MACROD2: variants seen among roughly 807,000 people sequenced by gnomAD.
MACROD2 encodes the protein ADP-ribose glycohydrolase MACROD2.
In MACROD2, 36 loss-of-function variants were observed where a neutral mutation model predicts 70.4. The observed-to-expected ratio is 0.51, with a 90% confidence interval of 0.39 to 0.68. MACROD2 has a LOEUF of 0.68. MACROD2 is among the 30% of genes least tolerant of loss of function. The probability of loss-of-function intolerance (pLI) is 0.00; values close to 1 mark genes in which losing one functional copy is unlikely to be tolerated. For synonymous variants in MACROD2, 172 were observed against 178.8 expected, an observed-to-expected ratio of 0.96 and a Z score of 0.30; for missense variants, 496 against 538.4, an observed-to-expected ratio of 0.92 and a Z score of 0.78.
At chr20:15,987,209 TCCTGC>T in intron 15 of MACROD2, 51 bp downstream of exon 15, 1 of 1,413,064 alleles carries the variant, frequency 7.1e-7, no homozygotes, top group Non-Finnish European at 9.8e-7. Context: ...TTCTTTGGAT[TCCTGC>T]CTAGAATTCA....
At chr20:15,243,722 T>C (rs1447122105) in intron 6 of MACROD2, among the ~76,000 whole-genome samples, 3 of 151,786 alleles carry the variant, frequency 2.0e-5, no homozygotes, top group Non-Finnish European at 4.4e-5. Flanking sequence ...GAGACCATCC[T>C]GGCTAACACG....
intron 5 of MACROD2, among the ~76,000 whole-genome samples, chr20:14,990,532 G>C (rs1158304700): frequency 1.8e-5 from 1 of 55,050 alleles, no homozygotes; most frequent in Non-Finnish European, 3.4e-5. Context: ...TTTTTTTTTT[G>C]AGATGGAGTC....
intron 8 of MACROD2, among the ~76,000 whole-genome samples, chr20:15,528,319 G>A (rs2047749134): frequency 6.6e-6 from 1 of 152,160 alleles, no homozygotes; most frequent in Non-Finnish European, 1.5e-5. Context: ...ATTTTTAGTA[G>A]ACATGGGGTT....
intron 6 of MACROD2, among the ~76,000 whole-genome samples, chr20:15,297,239 C>G (rs2077598748): frequency 6.6e-6 from 1 of 152,160 alleles, no homozygotes; most frequent in Non-Finnish European, 1.5e-5. Context: ...CCTGTTGATA[C>G]ACTCACCCAA....
intron 8 of MACROD2, among the ~76,000 whole-genome samples, chr20:15,780,716 A>C (rs1475991437): frequency 6.6e-6 from 1 of 152,114 alleles, no homozygotes. Flanking sequence ...GTTGTTTACA[A>C]AGTAAACAAT....
At chr20:15,549,323 AG>A (rs2048065455) in intron 8 of MACROD2, among the ~76,000 whole-genome samples, 1 of 152,244 alleles carries the variant, frequency 6.6e-6, no homozygotes, top group Non-Finnish European at 1.5e-5. Context: ...AAATGGATCT[AG>A]AAACTATGGC....
intron 3 of MACROD2, among the ~76,000 whole-genome samples, chr20:14,357,422 C>CT (rs917408216): frequency 7.9e-5 from 12 of 152,078 alleles, no homozygotes; most frequent in Non-Finnish European, 1.3e-4. Flanking sequence ...AAAAGATAAA[C>CT]TTTTTTTGCA....
intron 8 of MACROD2, among the ~76,000 whole-genome samples, chr20:15,784,575 A>G (rs955140029): frequency 6.6e-6 from 1 of 152,180 alleles, no homozygotes; most frequent in African/African-American, 2.4e-5. Flanking sequence ...ACTATAAATG[A>G]AGTTTTACTA....
intron 15 of MACROD2, among the ~76,000 whole-genome samples, chr20:16,037,088 AT>A (rs1236053563): frequency 6.6e-6 from 1 of 151,950 alleles, no homozygotes; most frequent in African/African-American, 2.4e-5. Context: ...TCTCATACTA[AT>A]CTATGCCAAT....
In MACROD2 at chr20:15,689,055, G is replaced by A. The variant is rs112995573; in HGVS notation, c.646-173690G>A. 2.3e-3 allele frequency among the ~76,000 whole-genome samples: 358 copies of A among 152,352 alleles called. 1 individual carries two copies. The highest frequency in any genetic ancestry group is 8.0e-3 in the African/African-American group (331 of 41,594). On this transcript the variant is annotated intron_variant, in intron 8 of 17. Coordinates refer to ENST00000684519, the MANE Select transcript of MACROD2 (RefSeq NM_001351661.2). Reference sequence around the variant, plus strand: ...GTGATGGCTCACGCCTGTAATCCCAGCACTTTCGGAGGCCAAGGCAGGCAG... The same window carrying A: ...GTGATGGCTCACGCCTGTAATCCCAACACTTTCGGAGGCCAAGGCAGGCAG...
chr20:15,758,572 C>T lies in MACROD2; in HGVS notation c.646-104173C>T, dbSNP rs1336418935. On this transcript the variant is annotated intron_variant, in intron 8 of 17. Transcript: ENST00000684519. ...TTTTTTTTTAAGAAACTGGGTCTTG[C>T]TCTGTGCCTCAGGCTGAAGTGCAGT... Among the ~76,000 whole-genome samples the T allele has an allele frequency of 5.5e-5, 8 of 146,514 alleles. No homozygotes were observed. In the Admixed American group the frequency reaches 5.5e-4, roughly 10 times the overall value.
intron 8 of MACROD2, among the ~76,000 whole-genome samples, chr20:15,671,640 C>T (rs2049981021): frequency 6.6e-6 from 1 of 152,178 alleles, no homozygotes; most frequent in Non-Finnish European, 1.5e-5. Context: ...AGAAATATCA[C>T]TTGTCCACCA....
rs1601273818 is a variant in MACROD2, at chr20:14,141,358, T to C, written c.271+55630T>C. Among the ~76,000 whole-genome samples the C allele has an allele frequency of 3.3e-5, 5 of 152,330 alleles. No individual in the cohort carries two copies. The South Asian group carries it at 1.0e-3, about 32-fold the overall frequency. ...AGTCAGAAATATCTGTGTTTGAATC[T>C]TAGCTCTGCCACTTGCTAGTTTTGT... is the stretch of plus-strand genomic sequence containing the variant. On this transcript the variant is annotated intron_variant, in intron 3 of 17. Coordinates refer to ENST00000684519, the MANE Select transcript of MACROD2 (RefSeq NM_001351661.2).
chr20:14,983,509 C>T (rs1057463815), intron 5 of MACROD2, among the ~76,000 whole-genome samples: 9 of 151,782 alleles, frequency 5.9e-5, no homozygotes, highest in African/African-American at 1.2e-4. Flanking sequence ...ATCATGGGGG[C>T]GGGTCTTTCC....
intron 8 of MACROD2, among the ~76,000 whole-genome samples, chr20:15,747,808 A>G (rs1399001818): frequency 2.0e-5 from 3 of 152,056 alleles, no homozygotes; most frequent in Non-Finnish European, 4.4e-5. Context: ...GTCTTATTAC[A>G]TTAACTAGTA....
intron 3 of MACROD2, among the ~76,000 whole-genome samples, chr20:14,305,367 C>T (rs925500961): frequency 1.3e-5 from 2 of 151,902 alleles, no homozygotes; most frequent in African/African-American, 2.4e-5. Flanking sequence ...TTCATGAGTG[C>T]GTACATATAT....
chr20:14,374,862 C>T (rs992334076), intron 3 of MACROD2, among the ~76,000 whole-genome samples: 2 of 152,034 alleles, frequency 1.3e-5, no homozygotes, highest in African/African-American at 4.8e-5. Flanking sequence ...TTGCTTTTTG[C>T]GTGTGTGAAT....
chr20:15,255,001 A>T (rs1238515046), intron 6 of MACROD2, among the ~76,000 whole-genome samples: 1 of 139,554 alleles, frequency 7.2e-6, no homozygotes, highest in Non-Finnish European at 1.5e-5. Flanking sequence ...GTGGTACTTC[A>T]GTTAACTGGA....
chr20:14,391,922 T>G (rs1269121566), intron 3 of MACROD2, among the ~76,000 whole-genome samples: 1 of 150,934 alleles, frequency 6.6e-6, no homozygotes, highest in Non-Finnish European at 1.5e-5. Context: ...CTCAGCATCA[T>G]GCAATATACC....
Sources: allele counts gnomAD v4.1 joint callset (sites outside exome capture counted in the v4.1 genomes callset), GRCh38; gene constraint gnomAD v4.1.1; transcripts MANE v1.5; gene names NCBI Gene and HGNC (gene_info 2026-07-23, HGNC 2026-07-21).